The following MCOLN2 variants were observed in gnomAD, a reference collection of about 807,000 sequenced individuals.
MCOLN2 encodes mucolipin TRP cation channel 2.
A neutral mutation model predicts 67.5 loss-of-function variants in MCOLN2; 57 were observed. The ratio of observed to expected loss-of-function variants is 0.84; its 90% CI spans 0.68 to 1.05. MCOLN2 has a LOEUF of 1.05. Ranked by LOEUF, MCOLN2 falls within the 50% of genes least tolerant of loss-of-function variation. MCOLN2 has a pLI of 0.00. For missense variants in MCOLN2, 620 were observed against 678.8 expected, an observed-to-expected ratio of 0.91 and a Z score of 0.96; for synonymous variants, 246 against 233.3, an observed-to-expected ratio of 1.05 and a Z score of -0.50.
At chr1:84,951,220 T>C (rs1002249147) in intron 6 of MCOLN2, among the ~76,000 whole-genome samples, 7 of 152,258 alleles carry the variant, frequency 4.6e-5, no homozygotes, top group Non-Finnish European at 1.0e-4. Context: ...ACTGTGCCTC[T>C]AGGGCATAGC....
At chr1:84,956,646 T>C (rs1019739138) in intron 3 of MCOLN2, 62 bp from the exon 4 acceptor site, 52 of 1,388,618 alleles carry the variant, frequency 3.7e-5, no homozygotes, top group Non-Finnish European at 4.6e-5. Context: ...TCAGAGGTTA[T>C]AGCATATAGA....
chr1:84,964,960 G>T (rs374780413), intron 2 of MCOLN2, among the ~76,000 whole-genome samples: 44 of 152,144 alleles, frequency 2.9e-4, no homozygotes, highest in African/African-American at 1.0e-3. Flanking sequence ...GTGGCCCAGG[G>T]GTTAGGGATC....
intron 9 of MCOLN2, among the ~76,000 whole-genome samples, chr1:84,938,775 T>C (rs936743746): frequency 6.6e-6 from 1 of 152,134 alleles, no homozygotes; most frequent in Admixed American, 6.5e-5. Context: ...AGCTGGATGA[T>C]GATGACCCCA....
rs140040239 is a variant in MCOLN2 at position 84,931,449 on chromosome 1, C to G, written c.1455G>C (p.Leu485=). Residue 485 remains leucine, a synonymous_variant, in exon 12 of 14, where the codon CTG becomes CTC. Transcript: ENST00000370608. ...KSILVWLFSR[L]YLYSFISLFI... ...AAAGGCTGATGAAGGAATATAAATA[C>G]AGACGACTGAACAGCCACACCAAGA... 6.2e-7 allele frequency: 1 copy of G among 1,611,594 alleles called. No individual in the cohort carries two copies. Among genetic ancestry groups the G allele is most frequent in the Admixed American group, 1.7e-5 (1 of 60,004 alleles).
At position 84,952,286 on chromosome 1, in the gene MCOLN2, A is replaced by T; in HGVS notation, c.704T>A (p.Ile235Asn). Residue 235 changes from isoleucine (I) to asparagine (N), a missense_variant, in exon 6 of 14, where the codon ATT becomes AAT. Transcript: ENST00000370608. Reference sequence around the variant, plus strand: ...ACAGTCTGGTAACTCACGGGAATGAATTGTCTGTAGGTCAATGCCTTTAAG... The same window carrying T: ...ACAGTCTGGTAACTCACGGGAATGATTTGTCTGTAGGTCAATGCCTTTAAG... Reference protein sequence around the residue: ...FHLKGIDLQTIHSRELPDCYV... With the variant: ...FHLKGIDLQTNHSRELPDCYV... 6.2e-7 allele frequency: 1 copy of T among 1,613,784 alleles called. No homozygotes were observed. Among genetic ancestry groups the T allele is most frequent in the Non-Finnish European group, 8.5e-7 (1 of 1,179,846 alleles).
chr1:84,928,631 A>G (rs1661267864), intron 13 of MCOLN2, among the ~76,000 whole-genome samples: 1 of 152,184 alleles, frequency 6.6e-6, no homozygotes, highest in African/African-American at 2.4e-5. Context: ...TATTAAGAAA[A>G]TTAATTTCCT....
chr1:84,971,576 G>A (rs1385810954), intron 1 of MCOLN2, among the ~76,000 whole-genome samples: 1 of 147,356 alleles, frequency 6.8e-6, no homozygotes, highest in Non-Finnish European at 1.5e-5. Context: ...AAAATAAAAT[G>A]GTATAAAAAT....
intron 1 of MCOLN2, among the ~76,000 whole-genome samples, chr1:84,990,422 T>C (rs1650834664): frequency 6.7e-6 from 1 of 149,222 alleles, no homozygotes; most frequent in Non-Finnish European, 1.5e-5. Context: ...ACATGTACCC[T>C]AAAACTTAAA....
At chr1:84,982,223 C>A (rs1196154792) in intron 1 of MCOLN2, among the ~76,000 whole-genome samples, 1 of 151,810 alleles carries the variant, frequency 6.6e-6, no homozygotes, top group Non-Finnish European at 1.5e-5. Flanking sequence ...ATATATAGTA[C>A]CATAAGATAT....
At chr1:84,949,582 A>G (rs890829361) in intron 6 of MCOLN2, among the ~76,000 whole-genome samples, 1 of 152,170 alleles carries the variant, frequency 6.6e-6, no homozygotes, top group African/African-American at 2.4e-5. Context: ...CAGAGCTTGC[A>G]GTGAGCGGAG....
At chr1:84,981,969 G>T (rs1318536792) in intron 1 of MCOLN2, among the ~76,000 whole-genome samples, 5 of 150,682 alleles carry the variant, frequency 3.3e-5, no homozygotes, top group African/African-American at 1.2e-4. Flanking sequence ...AAAAATAAAA[G>T]ATAAAAAATT....
At position 84,970,376 on chromosome 1, in the gene MCOLN2, T is replaced by G. The variant is rs116131226; in HGVS notation, c.78-4668A>C. Among the ~76,000 whole-genome samples the G allele has an allele frequency of 3.5e-3, 528 of 151,632 alleles. 3 individuals are homozygous for G. The highest frequency in any genetic ancestry group is 0.012 in the African/African-American group (498 of 41,336). On this transcript the variant is annotated intron_variant, in intron 1 of 13. Coordinates refer to ENST00000370608, the MANE Select transcript of MCOLN2 (RefSeq NM_153259.4). ...CAAAACAAGGCATTTAATCAAATAC[T>G]TAAAGAATACTGGCCAGGCATGGTG...
At chr1:84,934,347 C>A (rs1261870988) in intron 11 of MCOLN2, among the ~76,000 whole-genome samples, 2 of 152,088 alleles carry the variant, frequency 1.3e-5, no homozygotes, top group African/African-American at 4.8e-5. Context: ...GTTCTCTGGG[C>A]CCACGATGAG....
At chr1:84,987,053 A>G (rs936944251) in intron 1 of MCOLN2, among the ~76,000 whole-genome samples, 1 of 152,078 alleles carries the variant, frequency 6.6e-6, no homozygotes, top group Non-Finnish European at 1.5e-5. Flanking sequence ...AGAAGTCGTT[A>G]TATGAAAAAG....
chr1:84,966,239 G>A lies in MCOLN2; in HGVS notation c.78-531C>T, dbSNP rs951330818. 5.9e-5 allele frequency among the ~76,000 whole-genome samples: 9 copies of A among 152,014 alleles called. No homozygotes were observed. The South Asian group carries it at 6.2e-4, about 11-fold the overall frequency. On this transcript the variant is annotated intron_variant, in intron 1 of 13. Coordinates refer to ENST00000370608, the MANE Select transcript of MCOLN2 (RefSeq NM_153259.4). Reference sequence around the variant, plus strand: ...TGTACTCCAGCCTGGGTGACAGAGCGAGACTCCCTCTCAAAAAAATTAAAA... The same window carrying A: ...TGTACTCCAGCCTGGGTGACAGAGCAAGACTCCCTCTCAAAAAAATTAAAA...
At chr1:84,973,368 C>T (rs1649790261) in intron 1 of MCOLN2, among the ~76,000 whole-genome samples, 1 of 152,102 alleles carries the variant, frequency 6.6e-6, no homozygotes, top group Non-Finnish European at 1.5e-5. Context: ...GTCCCAGCTA[C>T]TCGGGAGGCA....
rs1294036425 is a variant in MCOLN2 at position 84,926,671 on chromosome 1, T to C, written c.*14A>G. The C allele has an allele frequency of 4.4e-6, 7 of 1,584,128 alleles. No homozygotes were observed. Among genetic ancestry groups the C allele is most frequent in the East Asian group, 2.3e-5 (1 of 44,026 alleles). On this transcript the variant is annotated 3_prime_UTR_variant, in exon 14 of 14. Transcript: ENST00000370608. ...GATAAGGATGCCTGAACTTTAATCA[T>C]CTTTAGCAGAACTTTAGCTAATAGG...
At chr1:84,963,716 G>A (rs913747291) in intron 2 of MCOLN2, among the ~76,000 whole-genome samples, 4 of 152,152 alleles carry the variant, frequency 2.6e-5, no homozygotes, top group Non-Finnish European at 5.9e-5. Flanking sequence ...ATACGAAGAT[G>A]TGCCTGCTTC....
chr1:84,983,611 G>A (rs1479526197), intron 1 of MCOLN2, among the ~76,000 whole-genome samples: 1 of 150,928 alleles, frequency 6.6e-6, no homozygotes, highest in Non-Finnish European at 1.5e-5. Context: ...CCCCACCTCC[G>A]ATTTCTGTTC....
Sources: allele counts gnomAD v4.1 joint callset (sites outside exome capture counted in the v4.1 genomes callset), GRCh38; gene constraint gnomAD v4.1.1; transcripts MANE v1.5; gene names NCBI Gene and HGNC (gene_info 2026-07-23, HGNC 2026-07-21).